DNAJC5: variants seen among roughly 807,000 people sequenced by gnomAD.
DNAJC5 encodes the protein dnaJ homolog subfamily C member 5.
DNAJC5 carries 1 observed loss-of-function variant against 23.2 expected under a neutral mutation model. The ratio of observed to expected loss-of-function variants is 0.04; its 90% CI spans 0.02 to 0.20. DNAJC5 has a LOEUF of 0.20. Ranked by LOEUF, DNAJC5 falls within the 10% of genes least tolerant of loss-of-function variation. The pLI is 1.00. For missense variants in DNAJC5, 180 were observed against 267.0 expected (o/e 0.67, Z 2.27); for synonymous variants, 136 against 120.0 (o/e 1.13, Z -0.87).
chr20:63,923,596 A>C (rs1360564116), intron 1 of DNAJC5, among the ~76,000 whole-genome samples: 1 of 151,932 alleles, frequency 6.6e-6, no homozygotes, highest in Non-Finnish European at 1.5e-5. Flanking sequence ...GTGGTATTGC[A>C]CACCTGTAGT....
Position 63,928,250 on chromosome 20 carries a change from G to T in DNAJC5, c.-11-85G>T. 9.0e-7 allele frequency: 1 copy of T among 1,110,402 alleles called. No individual in the cohort carries two copies. Among genetic ancestry groups the T allele is most frequent in the East Asian group, 2.4e-5 (1 of 41,628 alleles). The allele number at this position is 1,110,402 out of a possible 1,614,324, so 68.8% of individuals were successfully genotyped here. On this transcript the variant is annotated intron_variant, in intron 1 of 4. Coordinates refer to ENST00000360864, the MANE Select transcript of DNAJC5 (RefSeq NM_025219.3). This position sits in a 1 kb window ranked among gnomAD's most constrained non-coding sequence, Gnocchi z 4.6. ...AGTGTTGGATTCTTTTGCTTTGAAC[G>T]GTCTTATGGAATAAAGTCCATCAGC... is the stretch of plus-strand genomic sequence containing the variant.
intron 1 of DNAJC5, among the ~76,000 whole-genome samples, chr20:63,913,251 CTTGTCTT>C (rs1459797593): frequency 6.6e-6 from 1 of 152,088 alleles, no homozygotes; most frequent in Non-Finnish European, 1.5e-5. Flanking sequence ...CCTTAGGTGA[CTTGTCTT>C]TGCCCCACTC....
Position 63,928,512 on chromosome 20 carries a change from T to A in DNAJC5, c.107+60T>A. 1 of 1,398,980 alleles carries A rather than the reference T, an allele frequency of 7.1e-7. No individual in the cohort carries two copies. The highest frequency in any genetic ancestry group is 1.0e-6 in the Non-Finnish European group (1 of 986,088). 86.7% of individuals were successfully genotyped at this position (1,398,980 alleles called of 1,614,324 possible). Reference sequence around the variant, plus strand: ...GGAAGACACACATGCCCCGTGTGGTTTAGTCTGCATTTTACCAAGAACCAT... The same window carrying A: ...GGAAGACACACATGCCCCGTGTGGTATAGTCTGCATTTTACCAAGAACCAT... On this transcript the variant is annotated intron_variant, in intron 2 of 4. Transcript: ENST00000360864. The surrounding 1 kb of genome is among the most constrained non-coding windows in gnomAD (Gnocchi z 4.6).
chr20:63,925,534 G>C (rs567076838), intron 1 of DNAJC5, among the ~76,000 whole-genome samples: 5 of 151,854 alleles, frequency 3.3e-5, no homozygotes, highest in Admixed American at 3.3e-4. Flanking sequence ...GTGAAGGATG[G>C]GGATCAATCA....
intron 1 of DNAJC5, chr20:63,919,422 C>T (rs376922367): frequency 2.9e-5 from 14 of 487,126 alleles, no homozygotes; most frequent in Non-Finnish European, 3.3e-5. Flanking sequence ...CCCAGGACAG[C>T]GCCACGGAAG....
In DNAJC5 at chr20:63,933,043, C is replaced by T. The variant is rs1288888369; in HGVS notation, c.*1475C>T. 3.3e-5 allele frequency: 5 copies of T among 152,432 alleles called. No individual in the cohort carries two copies. The highest frequency in any genetic ancestry group is 1.2e-4 in the African/African-American group (5 of 41,470). 9.4% of individuals were successfully genotyped at this position (152,432 alleles called of 1,614,324 possible). On this transcript the variant is annotated 3_prime_UTR_variant, in exon 5 of 5. Transcript: ENST00000360864. ...GGATGTGCTGGGCCTGCCTTTGGCG[C>T]CATGCTGCAGACTCCAGTGGGCCTG... is the stretch of plus-strand genomic sequence containing the variant.
At chr20:63,903,195 G>A (rs1405220460) in intron 1 of DNAJC5, among the ~76,000 whole-genome samples, 3 of 151,468 alleles carry the variant, frequency 2.0e-5, no homozygotes, top group Admixed American at 1.3e-4. Flanking sequence ...TGGCCTTCCT[G>A]GGCTCGATCC....
At chr20:63,908,077 C>T (rs1264809009) in intron 1 of DNAJC5, among the ~76,000 whole-genome samples, 3 of 152,172 alleles carry the variant, frequency 2.0e-5, no homozygotes, top group Non-Finnish European at 4.4e-5. Flanking sequence ...TGAAATTTCG[C>T]ATGTTTTACG....
chr20:63,925,572 A>C (rs758728819), intron 1 of DNAJC5, among the ~76,000 whole-genome samples: 1 of 151,982 alleles, frequency 6.6e-6, no homozygotes, highest in African/African-American at 2.4e-5. Flanking sequence ...CAGGAAGGCA[A>C]GTTCTTCATC....
chr20:63,906,429 G>A (rs1568976607), intron 1 of DNAJC5, among the ~76,000 whole-genome samples: 2 of 152,130 alleles, frequency 1.3e-5, no homozygotes, highest in Non-Finnish European at 2.9e-5. Flanking sequence ...GGCGGAGGTT[G>A]CAGTGAGCCG....
chr20:63,910,669 A>ATGTT (rs1555877872), intron 1 of DNAJC5, among the ~76,000 whole-genome samples: 3 of 115,650 alleles, frequency 2.6e-5, no homozygotes, highest in Non-Finnish European at 5.0e-5. Flanking sequence ...GGTTTTGAGA[A>ATGTT]TGTTTTTTTT....
intron 1 of DNAJC5, among the ~76,000 whole-genome samples, chr20:63,926,178 A>G (rs1174820073): frequency 1.3e-5 from 2 of 152,184 alleles, no homozygotes; most frequent in African/African-American, 2.4e-5. Flanking sequence ...ATGCAGGCCT[A>G]TTCAGATTTT....
chr20:63,900,307 G>C (rs2053403481), intron 1 of DNAJC5, among the ~76,000 whole-genome samples: 1 of 152,076 alleles, frequency 6.6e-6, no homozygotes. Flanking sequence ...GGCTGGTGCA[G>C]TGGCTCATGC....
In DNAJC5 at chr20:63,931,096, T is replaced by C; in HGVS notation, c.493+74T>C. ...ATGGGCCCTGAATGGTGTCAACCTG[T>C]CTTGTCAAACAGGAGGGCACTGACA... is the stretch of plus-strand genomic sequence containing the variant. On this transcript the variant is annotated intron_variant, in intron 4 of 4. Transcript: ENST00000360864. This position sits in a 1 kb window ranked among gnomAD's most constrained non-coding sequence, Gnocchi z 9.6. 6.6e-7 allele frequency: 1 copy of C among 1,511,428 alleles called. No homozygotes were observed. Among genetic ancestry groups the C allele is most frequent in the Non-Finnish European group, 9.1e-7 (1 of 1,098,202 alleles). The allele number at this position is 1,511,428 out of a possible 1,614,324, so 93.6% of individuals were successfully genotyped here.
chr20:63,911,423 G>A lies in DNAJC5; in HGVS notation c.-12+16100G>A, dbSNP rs558255890. 2.0e-5 allele frequency among the ~76,000 whole-genome samples: 3 copies of A among 152,294 alleles called. No homozygotes were observed. The South Asian group carries it at 6.2e-4, about 32-fold the overall frequency. On this transcript the variant is annotated intron_variant, in intron 1 of 4. Coordinates refer to ENST00000360864, the MANE Select transcript of DNAJC5 (RefSeq NM_025219.3). The stretch of plus-strand genomic sequence containing the variant: ...CTGTGTGTGAGCGAGCATGGGGCTT[G>A]TTACTGTGTGAAAAGGGCCAGCTGC...
intron 1 of DNAJC5, among the ~76,000 whole-genome samples, chr20:63,905,368 A>G (rs947737254): frequency 3.9e-5 from 6 of 152,070 alleles, no homozygotes; most frequent in African/African-American, 1.2e-4. Context: ...GACCCACCTC[A>G]GCCTTCCAAA....
intron 1 of DNAJC5, among the ~76,000 whole-genome samples, chr20:63,927,712 T>C (rs2053628112): frequency 6.6e-6 from 1 of 152,226 alleles, no homozygotes; most frequent in Admixed American, 6.5e-5. Context: ...TCTTGCATTT[T>C]TATCCATTCT....
Position 63,928,328 on chromosome 20 carries a change from C to G in DNAJC5, c.-11-7C>G, listed in dbSNP as rs1460323077. The G allele has an allele frequency of 6.2e-7, 1 of 1,606,938 alleles. No homozygotes were observed. Among genetic ancestry groups the G allele is most frequent in the Non-Finnish European group, 8.5e-7 (1 of 1,174,248 alleles). On this transcript the variant is annotated splice_region_variant and splice_polypyrimidine_tract_variant and intron_variant, in intron 1 of 4. Coordinates refer to ENST00000360864, the MANE Select transcript of DNAJC5 (RefSeq NM_025219.3). This position sits in a 1 kb window ranked among gnomAD's most constrained non-coding sequence, Gnocchi z 4.6. ...TTGTGATACTTTCTTTTTATTTTTT[C>G]TTCTAGAATAGCCTAACATGGCAGA...
At chr20:63,913,943 G>A (rs1414374648) in intron 1 of DNAJC5, among the ~76,000 whole-genome samples, 1 of 152,164 alleles carries the variant, frequency 6.6e-6, no homozygotes, top group Non-Finnish European at 1.5e-5. Flanking sequence ...TGATCTTTGT[G>A]GCCTGGAATG....
Sources: allele counts gnomAD v4.1 joint callset (sites outside exome capture counted in the v4.1 genomes callset), GRCh38; gene constraint gnomAD v4.1.1; non-coding constraint Gnocchi (gnomAD v3.1); transcripts MANE v1.5; gene names NCBI Gene and HGNC (gene_info 2026-07-23, HGNC 2026-07-21).